The following RBFOX1 variants were observed in gnomAD, a reference collection of about 807,000 sequenced individuals.
The protein encoded by RBFOX1 is RNA binding protein fox-1 homolog 1.
Under a neutral mutation model 57.7 loss-of-function variants are expected in RBFOX1, and 8 were observed. That is an observed-to-expected ratio of 0.14 (90% CI 0.08 to 0.25). The LOEUF (loss-of-function observed/expected upper bound fraction) is 0.25. RBFOX1 is among the 10% of genes least tolerant of loss of function. The pLI, the probability that RBFOX1 is intolerant of heterozygous loss-of-function variation, is 1.00. For synonymous variants in RBFOX1, 326 were observed against 222.4 expected (o/e 1.47, Z -4.15); for missense variants, 611 against 548.5 (o/e 1.11, Z -1.14).
chr16:7,051,508 A>C (rs1416901308), intron 3 of RBFOX1, among the ~76,000 whole-genome samples: 1 of 152,210 alleles, frequency 6.6e-6, no homozygotes, highest in East Asian at 1.9e-4. Context: ...TCTGTGATTG[A>C]AGGATTGGCT....
At chr16:5,653,814 C>G (rs564760079) in intron 3 of RBFOX1, among the ~76,000 whole-genome samples, 9 of 152,186 alleles carry the variant, frequency 5.9e-5, no homozygotes, top group Non-Finnish European at 1.3e-4. Flanking sequence ...CCATATGTGC[C>G]CTCTTAGAAT....
At position 5,941,351 on chromosome 16, in the gene RBFOX1, A is replaced by T. The variant is rs374802522; in HGVS notation, c.351+74016A>T. On this transcript the variant is annotated intron_variant, in intron 4 of 19. Transcript: ENST00000641259. ...CATTTTTTTTTTAAGTTAGCTGGGC[A>T]TGGTAGAGCATGCCTGTCGTCCCAG... 5.9e-5 allele frequency among the ~76,000 whole-genome samples: 9 copies of T among 151,816 alleles called. No individual in the cohort carries two copies. The East Asian group carries it at 1.4e-3, about 23-fold the overall frequency.
rs1248580932 is a variant in RBFOX1, at chr16:5,448,338, C to T, written c.220-18878C>T. Among the ~76,000 whole-genome samples the T allele has an allele frequency of 2.0e-5, 3 of 152,092 alleles. 1 individual carries two copies. Among genetic ancestry groups the T allele is most frequent in the South Asian group, 4.1e-4 (2 of 4,830 alleles). Reference sequence around the variant, plus strand: ...TGGGTCAAAGAGAGAAAGGAAACACCGTCTGTGTTCCAGAGGCAAAAAAAC... The same window carrying T: ...TGGGTCAAAGAGAGAAAGGAAACACTGTCTGTGTTCCAGAGGCAAAAAAAC... On this transcript the variant is annotated intron_variant, in intron 1 of 2. Transcript: ENST00000585867.
At position 5,683,753 on chromosome 16, in the gene RBFOX1, A is replaced by T. The variant is rs866617107; in HGVS notation, c.318+84792A>T. 2.0e-5 allele frequency among the ~76,000 whole-genome samples: 3 copies of T among 148,336 alleles called. No individual in the cohort carries two copies. In the Admixed American group the frequency reaches 2.0e-4, roughly 10 times the overall value. On this transcript the variant is annotated intron_variant, in intron 3 of 19. Transcript: ENST00000641259. ...CCCCTTTACGTGTATGTGTGTGTAT[A>T]TATAATATATAATATATATACTGTA...
intron 4 of RBFOX1, among the ~76,000 whole-genome samples, chr16:7,269,927 A>G (rs955333983): frequency 2.6e-5 from 4 of 152,216 alleles, no homozygotes; most frequent in African/African-American, 7.2e-5. Flanking sequence ...ATTATTTGGT[A>G]TTATTACATA....
At chr16:5,710,805 T>C (rs930683226) in intron 3 of RBFOX1, among the ~76,000 whole-genome samples, 13 of 152,150 alleles carry the variant, frequency 8.5e-5, no homozygotes, top group Admixed American at 4.6e-4. Context: ...TTGGCAGTGG[T>C]TGCATTTGTG....
rs113150001 is a variant in RBFOX1, at chr16:5,777,022, G to C, written c.319-90281G>C. Among the ~76,000 whole-genome samples the C allele has an allele frequency of 4.4e-3, 677 of 152,306 alleles. 8 individuals are homozygous for C. Among genetic ancestry groups the C allele is most frequent in the African/African-American group, 0.016 (653 of 41,570 alleles). On this transcript the variant is annotated intron_variant, in intron 3 of 19. Coordinates refer to the RBFOX1 transcript ENST00000641259. Reference sequence around the variant, plus strand: ...TATGGCCACCATATGGTGTAGCACAGCTCTGCTGCAAACTGCCTGCTGGCT... The same window carrying C: ...TATGGCCACCATATGGTGTAGCACACCTCTGCTGCAAACTGCCTGCTGGCT...
At chr16:7,278,376 C>T (rs1466569996) in intron 4 of RBFOX1, among the ~76,000 whole-genome samples, 7 of 152,164 alleles carry the variant, frequency 4.6e-5, no homozygotes, top group Non-Finnish European at 7.4e-5. Flanking sequence ...AAAATATCTA[C>T]ATAAAGATTC....
At chr16:6,388,578 A>C (rs962398838) in intron 2 of RBFOX1, among the ~76,000 whole-genome samples, 13 of 152,160 alleles carry the variant, frequency 8.5e-5, no homozygotes, top group African/African-American at 3.1e-4. Flanking sequence ...CTCAGCCTTA[A>C]AAAGAAGGAA....
chr16:5,691,206 C>A (rs997827554), intron 3 of RBFOX1, among the ~76,000 whole-genome samples: 4 of 152,168 alleles, frequency 2.6e-5, no homozygotes, highest in African/African-American at 9.7e-5. Flanking sequence ...TGCATAATTT[C>A]CATCATTAGT....
At chr16:6,717,210 A>G (rs1034710392) in intron 3 of RBFOX1, among the ~76,000 whole-genome samples, 4 of 152,108 alleles carry the variant, frequency 2.6e-5, no homozygotes, top group African/African-American at 9.7e-5. Context: ...TGGTGGGGAA[A>G]GCCAGTGTGA....
chr16:7,075,223 G>A (rs1252846158), intron 4 of RBFOX1, among the ~76,000 whole-genome samples: 1 of 152,058 alleles, frequency 6.6e-6, no homozygotes, highest in Non-Finnish European at 1.5e-5. Flanking sequence ...TCCACTTCTG[G>A]GTACCAACAG....
intron 3 of RBFOX1, among the ~76,000 whole-genome samples, chr16:5,858,286 T>TA: frequency 6.6e-6 from 1 of 151,954 alleles, no homozygotes; most frequent in African/African-American, 2.4e-5. Context: ...CAACCCAGGC[T>TA]CCTCCCTTCT....
chr16:6,482,961 G>T (rs2095395793), intron 2 of RBFOX1, among the ~76,000 whole-genome samples: 1 of 152,188 alleles, frequency 6.6e-6, no homozygotes, highest in Non-Finnish European at 1.5e-5. Flanking sequence ...ACCGTGCAAG[G>T]TGCCCTATTC....
At chr16:5,731,148 ATCATTACCATCATCT>A (rs1439006866) in intron 3 of RBFOX1, among the ~76,000 whole-genome samples, 2 of 152,074 alleles carry the variant, frequency 1.3e-5, no homozygotes, top group Non-Finnish European at 2.9e-5. Context: ...CACCACCATT[ATCATTACCATCATCT>A]TCATCATCAC....
chr16:6,693,910 T>C (rs1312154660), intron 3 of RBFOX1, among the ~76,000 whole-genome samples: 3 of 152,242 alleles, frequency 2.0e-5, no homozygotes, highest in African/African-American at 7.2e-5. Context: ...ATGAGAATCA[T>C]CTAATTGACT....
chr16:7,682,315 G>C lies in RBFOX1; in HGVS notation c.995+5477G>C, dbSNP rs533744042. 2.6e-5 allele frequency among the ~76,000 whole-genome samples: 4 copies of C among 152,206 alleles called. No homozygotes were observed. In the South Asian group the frequency reaches 8.3e-4, roughly 32 times the overall value. On this transcript the variant is annotated intron_variant, in intron 14 of 15. Transcript: ENST00000550418. ...AGCATTGTAAAACATGGCCATGCCA[G>C]AGATGGTATTCTCAGATCAACAAGG... is the stretch of plus-strand genomic sequence containing the variant.
chr16:7,186,994 C>CAAAAAAAAAAAAAAAAAAAAAAAAA (rs35177784), intron 4 of RBFOX1, among the ~76,000 whole-genome samples: 8 of 69,262 alleles, frequency 1.2e-4, no homozygotes, highest in African/African-American at 5.1e-4. Flanking sequence ...CCCACCTCCA[C>CAAAAAAAAAAAAAAAAAAAAAAAAA]AAAAAAAAAA....
intron 1 of RBFOX1, among the ~76,000 whole-genome samples, chr16:6,257,937 C>A (rs4544245): frequency 0.82 from 124,216 of 152,052 alleles, 52,737 homozygotes; most frequent in East Asian, 0.95. Flanking sequence ...TCGGTATATC[C>A]CCAGTAATGG....
Sources: gnomAD v4.1 joint callset for allele counts (sites outside exome capture counted in the v4.1 genomes callset) on GRCh38, gnomAD v4.1.1 for gene constraint, MANE v1.5 for transcripts, NCBI Gene and HGNC (gene_info 2026-07-23, HGNC 2026-07-21) for gene names.